TMEM132D: variants seen among roughly 807,000 people sequenced by gnomAD.
The protein encoded by TMEM132D is transmembrane protein 132D, also known as mature OL transmembrane protein.
In TMEM132D, 21 loss-of-function variants were observed where a neutral mutation model predicts 62.3. That is an observed-to-expected ratio of 0.34 (90% CI 0.24 to 0.49). The LOEUF (loss-of-function observed/expected upper bound fraction) is 0.49. Among genes scored for constraint, TMEM132D ranks in the 20% least tolerant of loss-of-function variants. TMEM132D has a pLI of 0.99. For synonymous variants in TMEM132D, 621 were observed against 575.6 expected, an observed-to-expected ratio of 1.08 and a Z score of -1.13; for missense variants, 1,346 against 1,402.8, an observed-to-expected ratio of 0.96 and a Z score of 0.65.
chr12:129,700,353 C>T lies in TMEM132D; in HGVS notation c.425G>A (p.Arg142Gln), dbSNP rs759991422. The change falls in exon 2 of 9, where the codon CGG becomes CAG. Residue 142 changes from arginine to glutamine, a missense_variant. By Grantham distance (43) the Arg-to-Gln change is conservative. Coordinates refer to ENST00000422113, the MANE Select transcript of TMEM132D (RefSeq NM_133448.3). ...HILRDKVYLSRPKVQVLFHIM... is the reference protein window; with the variant it reads ...HILRDKVYLSQPKVQVLFHIM... ...GTGGAACAGAACCTGCACTTTGGGC[C>T]GGCTCAGGTAGACTTTGTCCCGCAG... 3.7e-6 allele frequency: 6 copies of T among 1,614,018 alleles called. No homozygotes were observed. Among genetic ancestry groups the T allele is most frequent in the African/African-American group, 1.3e-5 (1 of 75,048 alleles).
chr12:129,593,814 G>A (rs754836560), intron 2 of TMEM132D, among the ~76,000 whole-genome samples: 67 of 150,744 alleles, frequency 4.4e-4, no homozygotes, highest in African/African-American at 7.3e-5. Context: ...ACGTCACGGG[G>A]AACTTACTCC....
At position 129,638,616 on chromosome 12, in the gene TMEM132D, C is replaced by CATATAT. The variant is rs569430518; in HGVS notation, c.968+61188_968+61193dup. On this transcript the variant is annotated intron_variant, in intron 2 of 8. Transcript: ENST00000422113. The stretch of plus-strand genomic sequence containing the variant: ...TATTTTTATATATATATAAATTCAG[C>CATATAT]ATATATATATATATATATGCTGAAT... 3.0e-3 allele frequency among the ~76,000 whole-genome samples: 266 copies of CATATAT among 89,082 alleles called. 3 individuals carry two copies. Among genetic ancestry groups the CATATAT allele is most frequent in the African/African-American group, 0.01 (252 of 24,096 alleles). The allele number at this position is 89,082 out of a possible 152,430, so 58.4% of individuals were successfully genotyped here. A position where few individuals can be genotyped will look rare whatever the true frequency, so the allele number is the denominator to read the frequency against.
At chr12:129,443,622 A>C (rs1873004001) in intron 3 of TMEM132D, among the ~76,000 whole-genome samples, 2 of 147,098 alleles carry the variant, frequency 1.4e-5, no homozygotes, top group Admixed American at 6.8e-5. Context: ...ATTTCCTTTC[A>C]CCCCTCACTC....
At chr12:129,263,369 C>A (rs1372914248) in intron 4 of TMEM132D, among the ~76,000 whole-genome samples, 1 of 152,158 alleles carries the variant, frequency 6.6e-6, no homozygotes, top group Non-Finnish European at 1.5e-5. Context: ...AAGTGCCTAG[C>A]TTACTTCACC....
chr12:129,406,338 G>A (rs1228561645), intron 3 of TMEM132D, among the ~76,000 whole-genome samples: 3 of 152,126 alleles, frequency 2.0e-5, no homozygotes, highest in African/African-American at 7.2e-5. Flanking sequence ...GAACACACGT[G>A]GGCTGGGCGT....
rs1451524668 is a variant in TMEM132D, at chr12:129,099,961, G to A, written c.1444-15259C>T. 6.6e-5 allele frequency among the ~76,000 whole-genome samples: 8 copies of A among 120,892 alleles called. 3 individuals carry two copies. Among genetic ancestry groups the A allele is most frequent in the African/African-American group, 5.5e-4 (8 of 14,650 alleles). The allele number at this position is 120,892 out of a possible 152,430, so 79.3% of individuals were successfully genotyped here. Reference sequence around the variant, plus strand: ...CTGCCTCAGCCTCCCAAGTAGCTGGGACTACAGGTGCCCGCCACTACGCCC... The same window carrying A: ...CTGCCTCAGCCTCCCAAGTAGCTGGAACTACAGGTGCCCGCCACTACGCCC... On this transcript the variant is annotated intron_variant, in intron 5 of 8. Coordinates refer to ENST00000422113, the MANE Select transcript of TMEM132D (RefSeq NM_133448.3).
intron 3 of TMEM132D, among the ~76,000 whole-genome samples, chr12:129,501,108 T>C (rs1388253458): frequency 6.6e-6 from 1 of 152,200 alleles, no homozygotes; most frequent in Non-Finnish European, 1.5e-5. Context: ...CAAGATTTAT[T>C]CCCAGGCTAT....
intron 4 of TMEM132D, among the ~76,000 whole-genome samples, chr12:129,284,946 A>C (rs1430055343): frequency 6.6e-6 from 1 of 152,332 alleles, no homozygotes; most frequent in East Asian, 1.9e-4. Context: ...TAAGGGGTGC[A>C]TGGCTGTACC....
At position 129,138,210 on chromosome 12, in the gene TMEM132D, T is replaced by G. The variant is rs563823083; in HGVS notation, c.1444-53508A>C. ...GGGCTCAGTGCTGCCAGGCATTCCA[T>G]TTTCTAAGAGAAATGATGAAATCTA... On this transcript the variant is annotated intron_variant, in intron 5 of 8. Transcript: ENST00000422113. 2.0e-5 allele frequency among the ~76,000 whole-genome samples: 3 copies of G among 152,340 alleles called. No homozygotes were observed. In the South Asian group the frequency reaches 6.2e-4, roughly 32 times the overall value.
chr12:129,249,808 C>T lies in TMEM132D; in HGVS notation c.1300-40145G>A, dbSNP rs1880218103. On this transcript the variant is annotated intron_variant, in intron 4 of 8. Coordinates refer to ENST00000422113, the MANE Select transcript of TMEM132D (RefSeq NM_133448.3). ...CTGAGAACCACATTTGGAAAAGGAA[C>T]CGTGGATCAGCCAGGGTCCCAGTGG... 2.0e-5 allele frequency among the ~76,000 whole-genome samples: 3 copies of T among 152,166 alleles called. No homozygotes were observed. In the South Asian group the frequency reaches 6.2e-4, roughly 32 times the overall value.
In TMEM132D at chr12:129,382,677, C is replaced by T. The variant is rs75693774; in HGVS notation, c.1116-44860G>A. Among the ~76,000 whole-genome samples the T allele has an allele frequency of 7.4e-3, 1,129 of 152,292 alleles. 16 individuals carry two copies. Among genetic ancestry groups the T allele is most frequent in the African/African-American group, 0.026 (1,062 of 41,560 alleles). ...CATTTTTACACCATAGCATCTCATT[C>T]GTCTACCTTGCAAGGGATCTAGAAA... is the stretch of plus-strand genomic sequence containing the variant. On this transcript the variant is annotated intron_variant, in intron 3 of 8. Coordinates refer to ENST00000422113, the MANE Select transcript of TMEM132D (RefSeq NM_133448.3).
intron 2 of TMEM132D, among the ~76,000 whole-genome samples, chr12:129,678,694 C>A (rs1880701893): frequency 6.6e-6 from 1 of 152,028 alleles, no homozygotes; most frequent in East Asian, 1.9e-4. Flanking sequence ...TTAAGAAAGT[C>A]TAAATCCTTT....
chr12:129,286,036 T>C (rs1354797224), intron 4 of TMEM132D, among the ~76,000 whole-genome samples: 1 of 152,240 alleles, frequency 6.6e-6, no homozygotes, highest in East Asian at 1.9e-4. Context: ...CAAGAAAGAT[T>C]TATTTTAGAT....
intron 1 of TMEM132D, among the ~76,000 whole-genome samples, chr12:129,823,716 G>A (rs1252766772): frequency 6.6e-6 from 1 of 152,172 alleles, no homozygotes; most frequent in African/African-American, 2.4e-5. Flanking sequence ...GTGGAAGTGA[G>A]AACAAATTTG....
chr12:129,730,098 C>T (rs1170318440), intron 1 of TMEM132D, among the ~76,000 whole-genome samples: 1 of 152,180 alleles, frequency 6.6e-6, no homozygotes, highest in Admixed American at 6.5e-5. Context: ...AGCCTTGTTG[C>T]TCACACTAAG....
chr12:129,322,191 G>A (rs185092683), intron 4 of TMEM132D, among the ~76,000 whole-genome samples: 1 of 145,068 alleles, frequency 6.9e-6, no homozygotes, highest in Non-Finnish European at 1.5e-5. Context: ...TTCCTTCCTG[G>A]TTTTTGTCGG....
chr12:129,445,413 C>A (rs561806295), intron 3 of TMEM132D, among the ~76,000 whole-genome samples: 1 of 152,188 alleles, frequency 6.6e-6, no homozygotes, highest in African/African-American at 2.4e-5. Flanking sequence ...CCCCAAGATA[C>A]AAGTTTACCT....
chr12:129,448,265 G>A (rs561148088), intron 3 of TMEM132D, among the ~76,000 whole-genome samples: 5 of 152,170 alleles, frequency 3.3e-5, no homozygotes, highest in East Asian at 1.9e-4. Flanking sequence ...GTGCAGGTTC[G>A]TTACACAGGT....
intron 1 of TMEM132D, among the ~76,000 whole-genome samples, chr12:129,805,176 A>T (rs1871938319): frequency 6.6e-6 from 1 of 151,784 alleles, no homozygotes; most frequent in African/African-American, 2.4e-5. Context: ...TTCTTCACAG[A>T]ATTGGAAAAA....
Sources: gnomAD v4.1 joint callset for allele counts (sites outside exome capture counted in the v4.1 genomes callset) on GRCh38, gnomAD v4.1.1 for gene constraint, MANE v1.5 for transcripts, NCBI Gene and HGNC (gene_info 2026-07-23, HGNC 2026-07-21) for gene names.